Variants in ATP2B1 observed in about 807,000 individuals in gnomAD.
ATP2B1 encodes the protein plasma membrane calcium-transporting ATPase 1.
In ATP2B1, 14 loss-of-function variants were observed where a neutral mutation model predicts 124.2. That is an observed-to-expected ratio of 0.11 (90% CI 0.07 to 0.18). ATP2B1 has a LOEUF of 0.18. ATP2B1 is among the 10% of genes least tolerant of loss of function. ATP2B1 has a pLI of 1.00. For missense variants in ATP2B1, 763 were observed against 1,466.1 expected (o/e 0.52, Z 7.83); for synonymous variants, 449 against 492.4 (o/e 0.91, Z 1.17).
chr12:89,604,024 G>A lies in ATP2B1; in HGVS notation c.2635-99C>T, dbSNP rs550185604. The stretch of plus-strand genomic sequence containing the variant: ...GTTTAAAAACTTGAGAAACAGAACA[G>A]GATTATATTTTTATATTAACTAACC... On this transcript the variant is annotated intron_variant, in intron 16 of 20. Coordinates refer to ENST00000428670, the MANE Select transcript of ATP2B1 (RefSeq NM_001366521.1). The A allele has an allele frequency of 2.9e-5, 41 of 1,415,266 alleles. No homozygotes were observed. In the African/African-American group the frequency reaches 5.3e-4, roughly 18 times the overall value. 87.7% of individuals were successfully genotyped at this position (1,415,266 alleles called of 1,614,324 possible).
chr12:89,677,961 T>TAC (rs1371602072), intron 1 of ATP2B1, among the ~76,000 whole-genome samples: 96 of 25,830 alleles, frequency 3.7e-3, no homozygotes, highest in Admixed American at 4.6e-3. Flanking sequence ...GAATTATATA[T>TAC]ATATATATAT....
chr12:89,708,030 C>T (rs1219944670), intron 1 of ATP2B1, among the ~76,000 whole-genome samples: 4 of 152,198 alleles, frequency 2.6e-5, no homozygotes. Context: ...GACCAGGCGG[C>T]TCTCCAACTC....
chr12:89,685,820 G>A (rs572942721), intron 1 of ATP2B1, among the ~76,000 whole-genome samples: 4 of 152,140 alleles, frequency 2.6e-5, no homozygotes, highest in Middle Eastern at 3.4e-3. Context: ...GGTCTTATGG[G>A]TGGGACCCTA....
At chr12:89,659,396 G>A (rs777096384) in intron 1 of ATP2B1, among the ~76,000 whole-genome samples, 11 of 151,380 alleles carry the variant, frequency 7.3e-5, no homozygotes, top group Admixed American at 3.3e-4. Flanking sequence ...ACAAGCACAC[G>A]TAGCGGAAGA....
intron 1 of ATP2B1, among the ~76,000 whole-genome samples, chr12:89,677,954 T>TTATATATATA (rs61256358): frequency 5.5e-4 from 38 of 68,758 alleles, no homozygotes; most frequent in African/African-American, 2.2e-3. Flanking sequence ...CATGCAGGAA[T>TTATATATATA]TATATATATA....
chr12:89,646,077 ATGTTTT>A lies in ATP2B1; in HGVS notation c.209-3728_209-3723del, dbSNP rs573122292. Among the ~76,000 whole-genome samples, 108 of 152,068 alleles carry A rather than the reference ATGTTTT, an allele frequency of 7.1e-4. No homozygotes were observed. In the South Asian group the frequency reaches 8.7e-3, roughly 12 times the overall value. On this transcript the variant is annotated intron_variant, in intron 2 of 20. Transcript: ENST00000428670. ...CTGGATGTAGGATGAAAGGGAAAGAATGTTTTTGTTTTTGTTTTTTTTTGCGAGGGG... is the reference window on the plus strand; with the variant it reads ...CTGGATGTAGGATGAAAGGGAAAGAATGTTTTTGTTTTTTTTTGCGAGGGG...
intron 1 of ATP2B1, among the ~76,000 whole-genome samples, chr12:89,673,339 T>C (rs957598546): frequency 5.9e-5 from 9 of 152,198 alleles, no homozygotes; most frequent in African/African-American, 2.2e-4. Context: ...AAACTACTGT[T>C]TCACAGAATA....
At chr12:89,633,288 T>C (rs1211013585) in intron 5 of ATP2B1, among the ~76,000 whole-genome samples, 1 of 151,862 alleles carries the variant, frequency 6.6e-6, no homozygotes, top group Non-Finnish European at 1.5e-5. Flanking sequence ...TGAATGTTCT[T>C]TTTTCTTTTT....
chr12:89,642,371 A>C lies in ATP2B1; in HGVS notation c.209-16T>G, dbSNP rs780286726. ...CCACTTAAACCTAATAAAAAGAAACAAATTTCAGTGAACAGTTTTACTTCT... is the reference window on the plus strand; with the variant it reads ...CCACTTAAACCTAATAAAAAGAAACCAATTTCAGTGAACAGTTTTACTTCT... On this transcript the variant is annotated splice_polypyrimidine_tract_variant and intron_variant, in intron 2 of 20. Transcript: ENST00000428670. 3.8e-6 allele frequency: 6 copies of C among 1,585,630 alleles called. No individual in the cohort carries two copies. The highest frequency in any genetic ancestry group is 5.2e-6 in the Non-Finnish European group (6 of 1,164,638).
chr12:89,659,837 G>A (rs1041044721), intron 1 of ATP2B1, among the ~76,000 whole-genome samples: 1 of 151,318 alleles, frequency 6.6e-6, no homozygotes, highest in Non-Finnish European at 1.5e-5. Flanking sequence ...GCAGGAGAAT[G>A]GTGTGAACCC....
At chr12:89,675,374 C>T (rs1052511507) in intron 1 of ATP2B1, among the ~76,000 whole-genome samples, 1 of 152,094 alleles carries the variant, frequency 6.6e-6, no homozygotes, top group African/African-American at 2.4e-5. Flanking sequence ...CTTTCAGAAT[C>T]AAAATATTCA....
At chr12:89,707,453 C>T (rs1354960311) in intron 1 of ATP2B1, among the ~76,000 whole-genome samples, 1 of 152,040 alleles carries the variant, frequency 6.6e-6, no homozygotes, top group East Asian at 1.9e-4. Context: ...TACCTACACA[C>T]GTATGAAAAA....
At chr12:89,648,892 G>A (rs2136300410) in intron 2 of ATP2B1, among the ~76,000 whole-genome samples, 1 of 152,360 alleles carries the variant, frequency 6.6e-6, no homozygotes, top group African/African-American at 2.4e-5. Flanking sequence ...TCTGCTCAAA[G>A]GGGCCCAGGA....
intron 1 of ATP2B1, among the ~76,000 whole-genome samples, chr12:89,683,706 A>G (rs988504477): frequency 6.6e-6 from 1 of 152,354 alleles, no homozygotes; most frequent in Non-Finnish European, 1.5e-5. Flanking sequence ...AGGATCCAGG[A>G]GCATAATAAA....
In ATP2B1 at chr12:89,701,274, C is replaced by T. The variant is rs1450779032; in HGVS notation, c.-222+7322G>A. ...CTTCAAAACTCAGCATTACTCCACC[C>T]TTTCCCATCATCTCTCTTTGATTTT... On this transcript the variant is annotated intron_variant, in intron 1 of 20. Transcript: ENST00000428670. Among the ~76,000 whole-genome samples the T allele has an allele frequency of 3.3e-5, 5 of 152,186 alleles. No homozygotes were observed. The South Asian group carries it at 8.3e-4, about 25-fold the overall frequency.
At chr12:89,595,225 G>C (rs1874352581) in intron 20 of ATP2B1, among the ~76,000 whole-genome samples, 1 of 152,012 alleles carries the variant, frequency 6.6e-6, no homozygotes, top group Non-Finnish European at 1.5e-5. Context: ...CTGCATTCCA[G>C]TAACAACTTA....
At chr12:89,677,264 G>C (rs779100165) in intron 1 of ATP2B1, among the ~76,000 whole-genome samples, 7 of 152,064 alleles carry the variant, frequency 4.6e-5, no homozygotes, top group Non-Finnish European at 1.0e-4. Context: ...CCTAGGCAGA[G>C]CCCAGCTGTT....
chr12:89,589,253 T>C lies in ATP2B1; in HGVS notation c.*1731A>G, dbSNP rs1475701759. On this transcript the variant is annotated 3_prime_UTR_variant, in exon 21 of 21. Coordinates refer to ENST00000428670, the MANE Select transcript of ATP2B1 (RefSeq NM_001366521.1). ...TCAGCACTCTCAGTTATAGTAGCAG[T>C]CCTCGTAAACTTTATGTCAGCCTGA... is the stretch of plus-strand genomic sequence containing the variant. 2.0e-5 allele frequency: 3 copies of C among 152,560 alleles called. No individual in the cohort carries two copies. The highest frequency in any genetic ancestry group is 7.2e-5 in the African/African-American group (3 of 41,428). 9.5% of individuals were successfully genotyped at this position (152,560 alleles called of 1,614,324 possible).
At chr12:89,610,303 T>G (rs948222294) in intron 14 of ATP2B1, 118 bp downstream of exon 14, 1 of 934,828 alleles carries the variant, frequency 1.1e-6, no homozygotes, top group African/African-American at 1.7e-5. Flanking sequence ...GTATTTAGAT[T>G]TTATTAAAAC....
Sources: gnomAD v4.1 joint callset for allele counts (sites outside exome capture counted in the v4.1 genomes callset) on GRCh38, gnomAD v4.1.1 for gene constraint, MANE v1.5 for transcripts, NCBI Gene and HGNC (gene_info 2026-07-23, HGNC 2026-07-21) for gene names.